The following PAPPA2 variants were observed in gnomAD, a reference collection of about 807,000 sequenced individuals.
PAPPA2 encodes pappalysin-2.
A neutral mutation model predicts 176.4 loss-of-function variants in PAPPA2; 86 were observed. The ratio of observed to expected loss-of-function variants is 0.49; its 90% CI spans 0.41 to 0.58. The LOEUF (loss-of-function observed/expected upper bound fraction) is 0.58, where lower values mean the gene tolerates loss of function less well. Among genes scored for constraint, PAPPA2 ranks in the 20% least tolerant of loss-of-function variants. The pLI is 0.00. For synonymous variants in PAPPA2, 809 were observed against 852.2 expected, an observed-to-expected ratio of 0.95 and a Z score of 0.88; for missense variants, 2,073 against 2,256.9, an observed-to-expected ratio of 0.92 and a Z score of 1.65.
intron 17 of PAPPA2, among the ~76,000 whole-genome samples, chr1:176,774,347 G>T (rs545859845): frequency 6.6e-6 from 1 of 152,208 alleles, no homozygotes; most frequent in Non-Finnish European, 1.5e-5. Flanking sequence ...ACTGCCTATG[G>T]ATATTGCTGC....
At chr1:176,571,750 C>G (rs1476287381) in intron 2 of PAPPA2, among the ~76,000 whole-genome samples, 2 of 152,226 alleles carry the variant, frequency 1.3e-5, no homozygotes, top group Non-Finnish European at 2.9e-5. Context: ...CACATAACCA[C>G]TATTCTCAAC....
rs778657872 is a variant in PAPPA2 at position 176,556,625 on chromosome 1, A to G, written c.303A>G (p.Gly101=). The G allele has an allele frequency of 1.1e-5, 17 of 1,614,066 alleles. No homozygotes were observed. The highest frequency in any genetic ancestry group is 2.7e-5 in the African/African-American group (2 of 74,922). ...GACGCAGCAAACCAGACACTGAAGGAAATGCTGTGAGCCTTGTTCCCCCAG... is the reference window on the plus strand; with the variant it reads ...GACGCAGCAAACCAGACACTGAAGGGAATGCTGTGAGCCTTGTTCCCCCAG... ...HTGRSKPDTE[G]NAVSLVPPDL... Residue 101 remains glycine (G), a synonymous_variant, in exon 2 of 23, where the codon GGA becomes GGG. Coordinates refer to ENST00000367662, the MANE Select transcript of PAPPA2 (RefSeq NM_020318.3).
In PAPPA2 at chr1:176,666,862, A is replaced by G. The variant is rs533675536; in HGVS notation, c.1992-4108A>G. ...ATCTTAATGAGATTGGAAATGAAAA[A>G]GAAACAAATACATCTGAATAAGGGT... On this transcript the variant is annotated intron_variant, in intron 3 of 22. Coordinates refer to ENST00000367662, the MANE Select transcript of PAPPA2 (RefSeq NM_020318.3). Among the ~76,000 whole-genome samples, 16 of 152,296 alleles carry G rather than the reference A, an allele frequency of 1.1e-4. No homozygotes were observed. In the South Asian group the frequency reaches 1.9e-3, roughly 18 times the overall value.
intron 3 of PAPPA2, among the ~76,000 whole-genome samples, chr1:176,634,958 GATAGATAA>G (rs879798357): frequency 3.4e-4 from 41 of 120,366 alleles, no homozygotes; most frequent in Middle Eastern, 8.1e-3. Context: ...TAGATAGATA[GATAGATAA>G]ATAGATAGAT....
At chr1:176,605,482 C>T (rs750493010) in intron 3 of PAPPA2, among the ~76,000 whole-genome samples, 2 of 152,230 alleles carry the variant, frequency 1.3e-5, no homozygotes, top group Non-Finnish European at 2.9e-5. Flanking sequence ...TCTCACCATT[C>T]ATGTCTGTTA....
chr1:176,504,895 C>T (rs547226891), intron 1 of PAPPA2, among the ~76,000 whole-genome samples: 109 of 152,168 alleles, frequency 7.2e-4, no homozygotes, highest in Middle Eastern at 3.4e-3. Context: ...TAATACGGAA[C>T]AGAGCTATAA....
chr1:176,576,597 C>G (rs1373838084), intron 2 of PAPPA2, among the ~76,000 whole-genome samples: 2 of 152,038 alleles, frequency 1.3e-5, no homozygotes, highest in Non-Finnish European at 2.9e-5. Flanking sequence ...GTCCATTACT[C>G]ACTGCTAACA....
chr1:176,477,614 G>A (rs571929080), intron 1 of PAPPA2, among the ~76,000 whole-genome samples: 3 of 152,050 alleles, frequency 2.0e-5, no homozygotes, highest in African/African-American at 7.2e-5. Context: ...GAGTGGTGGT[G>A]TGTGCCTGTA....
intron 11 of PAPPA2, 121 bp from the exon 12 acceptor site, chr1:176,711,714 A>G (rs1661153605): frequency 3.6e-6 from 4 of 1,118,732 alleles, no homozygotes; most frequent in Non-Finnish European, 5.2e-6. Flanking sequence ...TTCTGCCAAT[A>G]ATGTGATCAT....
At chr1:176,617,993 G>C (rs926276103) in intron 3 of PAPPA2, among the ~76,000 whole-genome samples, 1 of 152,154 alleles carries the variant, frequency 6.6e-6, no homozygotes, top group Non-Finnish European at 1.5e-5. Context: ...GTAAAGGAAG[G>C]TTGAGGCCTG....
intron 17 of PAPPA2, among the ~76,000 whole-genome samples, chr1:176,787,418 A>G (rs1664989085): frequency 6.6e-6 from 1 of 151,890 alleles, no homozygotes; most frequent in Admixed American, 6.6e-5. Context: ...CATTTTTTGT[A>G]GATAAGAGGG....
At position 176,771,146 on chromosome 1, in the gene PAPPA2, T is replaced by C. The variant is rs2102913209; in HGVS notation, c.4681T>C (p.Tyr1561His). 1 of 1,614,202 alleles carries C rather than the reference T, an allele frequency of 6.2e-7. No homozygotes were observed. The highest frequency in any genetic ancestry group is 1.3e-5 in the African/African-American group (1 of 75,064). ...CAAATATGAATGCAAACCAGGGTAC[T>C]ATGTGGCAGAAAGTGCAGAGGGTAA... is the stretch of plus-strand genomic sequence containing the variant. ...ICKYECKPGY[Y>H]VAESAEGKVR... Residue 1561 changes from tyrosine (Y) to histidine (H), a missense_variant, in exon 17 of 23, where the codon TAT (tyrosine) becomes CAT (histidine). Around this residue, in one of 4 missense-constraint regions of PAPPA2, gnomAD observed 846 missense variants for 857.9 expected, o/e 0.99. Transcript: ENST00000367662.
chr1:176,540,685 C>T (rs990287691), intron 1 of PAPPA2, among the ~76,000 whole-genome samples: 11 of 152,268 alleles, frequency 7.2e-5, no homozygotes, highest in South Asian at 4.1e-4. Flanking sequence ...CAAGATGAGG[C>T]CAAAATGTTG....
At chr1:176,486,118 C>T (rs910948658) in intron 1 of PAPPA2, among the ~76,000 whole-genome samples, 5 of 152,268 alleles carry the variant, frequency 3.3e-5, no homozygotes, top group East Asian at 1.9e-4. Context: ...TTCCTTGTAC[C>T]GTGAGGTACC....
intron 3 of PAPPA2, among the ~76,000 whole-genome samples, chr1:176,618,620 A>T (rs1036213218): frequency 6.6e-6 from 1 of 152,212 alleles, no homozygotes; most frequent in African/African-American, 2.4e-5. Flanking sequence ...GTAAACATAG[A>T]TGATGTCCAA....
chr1:176,613,411 G>A (rs1655039231), intron 3 of PAPPA2, among the ~76,000 whole-genome samples: 1 of 152,164 alleles, frequency 6.6e-6, no homozygotes, highest in Admixed American at 6.5e-5. Flanking sequence ...AAATTACAGA[G>A]CCAGTTGATT....
At chr1:176,788,451 G>GA (rs1310986428) in intron 17 of PAPPA2, among the ~76,000 whole-genome samples, 1 of 152,226 alleles carries the variant, frequency 6.6e-6, no homozygotes, top group Non-Finnish European at 1.5e-5. Context: ...AATGAGACTA[G>GA]AAAATGGTGA....
intron 3 of PAPPA2, chr1:176,616,762 C>A: frequency 4.3e-6 from 5 of 1,158,660 alleles, no homozygotes. Flanking sequence ...GTGACTTTCA[C>A]AGGAGCTGGG....
chr1:176,498,457 A>T (rs2102504290), intron 1 of PAPPA2, among the ~76,000 whole-genome samples: 1 of 152,280 alleles, frequency 6.6e-6, no homozygotes, highest in African/African-American at 2.4e-5. Context: ...TGAGGATAGA[A>T]ATCTGAAGCT....
Sources: gnomAD v4.1 joint callset for allele counts (sites outside exome capture counted in the v4.1 genomes callset) on GRCh38, gnomAD v4.1.1 for gene constraint, gnomAD v4.1.1 regional missense constraint, MANE v1.5 for transcripts, NCBI Gene and HGNC (gene_info 2026-07-23, HGNC 2026-07-21) for gene names.